ANTXR1: variants seen among roughly 807,000 people sequenced by gnomAD.
ANTXR1 encodes the protein anthrax toxin receptor 1.
Under a neutral mutation model 78.1 loss-of-function variants are expected in ANTXR1, and 19 were observed. That is an observed-to-expected ratio of 0.24 (90% CI 0.17 to 0.36). The LOEUF (loss-of-function observed/expected upper bound fraction) is 0.36, where lower values mean the gene tolerates loss of function less well. Among genes scored for constraint, ANTXR1 ranks in the 10% least tolerant of loss-of-function variants. ANTXR1 has a pLI of 1.00. For synonymous variants in ANTXR1, 273 were observed against 260.5 expected, an observed-to-expected ratio of 1.05 and a Z score of -0.46; for missense variants, 518 against 718.6, an observed-to-expected ratio of 0.72 and a Z score of 3.19.
intron 9 of ANTXR1, among the ~76,000 whole-genome samples, chr2:69,096,787 G>T (rs1364331749): frequency 6.6e-6 from 1 of 152,212 alleles, no homozygotes; most frequent in Non-Finnish European, 1.5e-5. Flanking sequence ...ACAAGTTAAT[G>T]ATTATTGAGG....
At position 69,152,220 on chromosome 2, in the gene ANTXR1, G is replaced by A. The variant is rs1369836691; in HGVS notation, c.1003G>A (p.Ala335Thr). The A allele has an allele frequency of 6.2e-7, 1 of 1,614,026 alleles. No individual in the cohort carries two copies. The highest frequency in any genetic ancestry group is 1.3e-5 in the African/African-American group (1 of 74,918). Reference protein sequence around the residue: ...IALLILFLLLALALLWWFWPL... With the variant: ...IALLILFLLLTLALLWWFWPL... The stretch of plus-strand genomic sequence containing the variant: ...CCTGCTGATCCTGTTCCTGCTCCTA[G>A]CCCTGGCTCTCCTCTGGTGGTTCTG... Residue 335 changes from alanine (A) to threonine (T), a missense_variant, in exon 13 of 18, where the codon GCC becomes ACC. Ala to Thr is a moderately conservative substitution (Grantham distance 58). This residue lies in a region of ANTXR1 where 264 missense variants were observed against 391.8 expected (regional missense o/e 0.67). Transcript: ENST00000303714.
At chr2:69,019,957 C>T (rs886820718) in intron 1 of ANTXR1, among the ~76,000 whole-genome samples, 3 of 152,194 alleles carry the variant, frequency 2.0e-5, no homozygotes, top group South Asian at 4.1e-4. Flanking sequence ...ATATATACCA[C>T]ATTTGCTTTG....
At chr2:69,101,658 A>G (rs1671624000) in intron 9 of ANTXR1, among the ~76,000 whole-genome samples, 5 of 152,244 alleles carry the variant, frequency 3.3e-5, no homozygotes. Context: ...CGAGAGTCCC[A>G]TATACTAATT....
chr2:69,236,310 A>G (rs1675762612), intron 17 of ANTXR1, among the ~76,000 whole-genome samples: 1 of 152,188 alleles, frequency 6.6e-6, no homozygotes, highest in African/African-American at 2.4e-5. Context: ...GAGTTTGTGT[A>G]TATATATGTG....
At chr2:69,097,677 T>G (rs990002605) in intron 9 of ANTXR1, among the ~76,000 whole-genome samples, 1 of 152,318 alleles carries the variant, frequency 6.6e-6, no homozygotes, top group Admixed American at 6.5e-5. Flanking sequence ...GTTTTGGTAG[T>G]TTCTTACAAA....
At chr2:69,032,045 T>C (rs1229897834) in intron 1 of ANTXR1, among the ~76,000 whole-genome samples, 1 of 152,194 alleles carries the variant, frequency 6.6e-6, no homozygotes, top group Non-Finnish European at 1.5e-5. Context: ...CAGAATTCTT[T>C]TATAATGGTG....
intron 17 of ANTXR1, among the ~76,000 whole-genome samples, chr2:69,212,669 T>A (rs148392020): frequency 2.0e-5 from 3 of 152,352 alleles, no homozygotes; most frequent in African/African-American, 2.4e-5. Flanking sequence ...GAGGTGTTTT[T>A]GAGACAAGGT....
chr2:69,172,307 G>C, intron 14 of ANTXR1: 2 of 1,417,840 alleles, frequency 1.4e-6, no homozygotes, highest in South Asian at 2.3e-5. Flanking sequence ...GATTGCCTTA[G>C]CGTGTGTGTT....
At chr2:69,095,046 A>C (rs1426162290) in intron 9 of ANTXR1, among the ~76,000 whole-genome samples, 2 of 152,232 alleles carry the variant, frequency 1.3e-5, no homozygotes, top group African/African-American at 4.8e-5. Flanking sequence ...TAACAGTCCT[A>C]TTCCATGTTC....
At chr2:69,083,146 A>C (rs963382459) in intron 8 of ANTXR1, among the ~76,000 whole-genome samples, 1 of 152,196 alleles carries the variant, frequency 6.6e-6, no homozygotes, top group Non-Finnish European at 1.5e-5. Context: ...GCTGTGATAA[A>C]AGGTGAAATC....
intron 3 of ANTXR1, among the ~76,000 whole-genome samples, chr2:69,062,709 G>C (rs560633759): frequency 3.3e-5 from 5 of 152,166 alleles, no homozygotes; most frequent in Non-Finnish European, 5.9e-5. Context: ...AGAAGCAGAG[G>C]AATATTACTC....
chr2:69,239,703 G>A (rs1263257988), intron 17 of ANTXR1, among the ~76,000 whole-genome samples: 1 of 152,178 alleles, frequency 6.6e-6, no homozygotes, highest in African/African-American at 2.4e-5. Context: ...GTATGTTAGT[G>A]GCAGAACTAG....
At chr2:69,153,043 T>C (rs1673438468) in intron 13 of ANTXR1, among the ~76,000 whole-genome samples, 1 of 152,176 alleles carries the variant, frequency 6.6e-6, no homozygotes, top group South Asian at 2.1e-4. Context: ...ACATTCCCTG[T>C]GACATGTCTA....
At chr2:69,221,090 G>A (rs751766485) in intron 17 of ANTXR1, among the ~76,000 whole-genome samples, 12 of 152,128 alleles carry the variant, frequency 7.9e-5, no homozygotes, top group Non-Finnish European at 1.6e-4. Flanking sequence ...CTTGTTTGGG[G>A]TTTTTATTTT....
chr2:69,159,033 C>G (rs1009571148), intron 13 of ANTXR1, among the ~76,000 whole-genome samples: 2 of 151,896 alleles, frequency 1.3e-5, no homozygotes, highest in African/African-American at 4.8e-5. Context: ...GAAGAGTGTT[C>G]GATGCAGAAG....
At chr2:69,078,989 G>A (rs1400850385) in intron 8 of ANTXR1, among the ~76,000 whole-genome samples, 1 of 151,848 alleles carries the variant, frequency 6.6e-6, no homozygotes, top group Non-Finnish European at 1.5e-5. Context: ...TATGCTTTTA[G>A]AACATTGACA....
At chr2:69,189,570 C>A (rs1414927228) in intron 16 of ANTXR1, among the ~76,000 whole-genome samples, 3 of 152,208 alleles carry the variant, frequency 2.0e-5, no homozygotes, top group Non-Finnish European at 4.4e-5. Flanking sequence ...AAAGGCCAAT[C>A]AGGAAACTAT....
chr2:69,140,601 G>A lies in ANTXR1; in HGVS notation c.952-11568G>A, dbSNP rs150733882. On this transcript the variant is annotated intron_variant, in intron 12 of 17. Transcript: ENST00000303714. The stretch of plus-strand genomic sequence containing the variant: ...AATGCTTTCATGAAAAGCAAAGCAT[G>A]ACTAAGAGATTATAAGATTTTCTTT... 9.4e-3 allele frequency among the ~76,000 whole-genome samples: 1,435 copies of A among 152,310 alleles called. 25 individuals carry two copies. The highest frequency in any genetic ancestry group is 0.033 in the African/African-American group (1,362 of 41,556).
At chr2:69,231,476 C>T (rs1448558388) in intron 17 of ANTXR1, among the ~76,000 whole-genome samples, 1 of 152,194 alleles carries the variant, frequency 6.6e-6, no homozygotes, top group Non-Finnish European at 1.5e-5. Flanking sequence ...CTTCCACACA[C>T]CATGAATGAC....
Sources: gnomAD v4.1 joint callset for allele counts (sites outside exome capture counted in the v4.1 genomes callset) on GRCh38, gnomAD v4.1.1 for gene constraint, gnomAD v4.1.1 regional missense constraint, MANE v1.5 for transcripts, NCBI Gene and HGNC (gene_info 2026-07-23, HGNC 2026-07-21) for gene names.